The following SAMD12 variants were observed in gnomAD, a reference collection of about 807,000 sequenced individuals.
SAMD12 encodes the protein sterile alpha motif domain containing 12, also known as sterile alpha motif domain-containing protein 12.
In SAMD12, 9 loss-of-function variants were observed where a neutral mutation model predicts 15.0. The observed-to-expected ratio is 0.60, with a 90% confidence interval of 0.36 to 1.05. SAMD12 has a LOEUF of 1.05. SAMD12 is among the 50% of genes least tolerant of loss of function. The pLI is 0.01. For synonymous variants in SAMD12, 86 were observed against 90.1 expected (o/e 0.96, Z 0.25); for missense variants, 230 against 234.2 (o/e 0.98, Z 0.12).
At chr8:118,543,038 G>A (rs1826028421) in intron 2 of SAMD12, among the ~76,000 whole-genome samples, 1 of 152,080 alleles carries the variant, frequency 6.6e-6, no homozygotes. Context: ...TGAAAAAAAG[G>A]AAAAAGATGA....
At chr8:118,340,043 G>T (rs1367772695) in intron 4 of SAMD12, among the ~76,000 whole-genome samples, 1 of 152,190 alleles carries the variant, frequency 6.6e-6, no homozygotes, top group Non-Finnish European at 1.5e-5. Flanking sequence ...ACATTCCTTT[G>T]TTCATTCATT....
intron 2 of SAMD12, among the ~76,000 whole-genome samples, chr8:118,501,322 T>C (rs1481003440): frequency 1.3e-5 from 2 of 152,236 alleles, no homozygotes; most frequent in Admixed American, 6.5e-5. Context: ...TAGATTTTAT[T>C]TGTTCTTACC....
intron 2 of SAMD12, among the ~76,000 whole-genome samples, chr8:118,494,067 T>C (rs1193715907): frequency 6.6e-6 from 1 of 152,116 alleles, no homozygotes; most frequent in Non-Finnish European, 1.5e-5. Context: ...ACTGATTGCC[T>C]GGTAACATGA....
At chr8:118,607,496 A>G (rs1040603525) in intron 1 of SAMD12, among the ~76,000 whole-genome samples, 2 of 152,174 alleles carry the variant, frequency 1.3e-5, no homozygotes, top group Admixed American at 1.3e-4. Context: ...TCAGCCTCCC[A>G]AAGTGCTGGG....
intron 2 of SAMD12, among the ~76,000 whole-genome samples, chr8:118,497,447 T>TAA (rs1285792291): frequency 6.6e-6 from 1 of 152,186 alleles, no homozygotes; most frequent in African/African-American, 2.4e-5. Flanking sequence ...GTCATTAACC[T>TAA]AAGCGAATTA....
intron 4 of SAMD12, among the ~76,000 whole-genome samples, chr8:118,239,019 C>T (rs1463493469): frequency 2.6e-5 from 4 of 151,898 alleles, no homozygotes; most frequent in Admixed American, 2.6e-4. Context: ...ACCAGAAGTA[C>T]CTGAAGTGGA....
chr8:118,330,520 A>G (rs1816762055), intron 4 of SAMD12, among the ~76,000 whole-genome samples: 1 of 152,202 alleles, frequency 6.6e-6, no homozygotes, highest in Non-Finnish European at 1.5e-5. Context: ...AATAAACATA[A>G]CATACAAAAG....
intron 2 of SAMD12, among the ~76,000 whole-genome samples, chr8:118,450,457 C>T (rs563060006): frequency 1.6e-4 from 25 of 152,248 alleles, no homozygotes; most frequent in African/African-American, 4.1e-4. Context: ...GCACACTCTA[C>T]GGGAGGTGCT....
chr8:118,247,766 G>A (rs1354787558), intron 4 of SAMD12, among the ~76,000 whole-genome samples: 8 of 151,892 alleles, frequency 5.3e-5, no homozygotes, highest in Non-Finnish European at 1.2e-4. Context: ...CTAATTTTTT[G>A]TATTTTAGTA....
chr8:118,342,953 G>A (rs1817447830), intron 4 of SAMD12, among the ~76,000 whole-genome samples: 1 of 152,150 alleles, frequency 6.6e-6, no homozygotes, highest in African/African-American at 2.4e-5. Flanking sequence ...GTATATGGTG[G>A]ACCCTATTTC....
intron 4 of SAMD12, among the ~76,000 whole-genome samples, chr8:118,297,719 C>T (rs1474131216): frequency 7.2e-5 from 11 of 152,100 alleles, no homozygotes; most frequent in African/African-American, 2.7e-4. Context: ...AGTTTGTTCA[C>T]ATGGTTATAG....
At chr8:118,484,752 G>A (rs1824229890) in intron 2 of SAMD12, among the ~76,000 whole-genome samples, 1 of 148,366 alleles carries the variant, frequency 6.7e-6, no homozygotes, top group African/African-American at 2.6e-5. Context: ...CAACTCTTGA[G>A]TGCTTTGCTC....
intron 2 of SAMD12, among the ~76,000 whole-genome samples, chr8:118,548,308 A>G (rs1456678129): frequency 2.6e-5 from 4 of 152,106 alleles, no homozygotes; most frequent in Admixed American, 6.6e-5. Context: ...GGTAATAGAT[A>G]TATGATTCCT....
At chr8:118,327,073 AG>A (rs926058058) in intron 4 of SAMD12, among the ~76,000 whole-genome samples, 25 of 152,260 alleles carry the variant, frequency 1.6e-4, no homozygotes, top group African/African-American at 5.5e-4. Context: ...TTGTTCAAAA[AG>A]ATGGACTCAG....
intron 2 of SAMD12, among the ~76,000 whole-genome samples, chr8:118,511,106 T>C (rs1586775450): frequency 2.0e-5 from 3 of 152,268 alleles, no homozygotes; most frequent in South Asian, 4.2e-4. Flanking sequence ...TAGAAGAAAA[T>C]TGAACTGTTT....
At chr8:118,536,606 A>T (rs1383792445) in intron 2 of SAMD12, among the ~76,000 whole-genome samples, 1 of 152,202 alleles carries the variant, frequency 6.6e-6, no homozygotes, top group Non-Finnish European at 1.5e-5. Context: ...TGACAACTTA[A>T]CACTCATTGC....
At chr8:118,496,813 G>T (rs763261163) in intron 2 of SAMD12, among the ~76,000 whole-genome samples, 1 of 151,758 alleles carries the variant, frequency 6.6e-6, no homozygotes, top group Middle Eastern at 3.4e-3. Flanking sequence ...TGCAAACTAC[G>T]CATCTGACAG....
intron 4 of SAMD12, among the ~76,000 whole-genome samples, chr8:118,231,607 A>G (rs1271542132): frequency 1.3e-5 from 2 of 152,194 alleles, no homozygotes; most frequent in African/African-American, 4.8e-5. Context: ...GGAGTATATT[A>G]AGGTGATGTT....
intron 2 of SAMD12, among the ~76,000 whole-genome samples, chr8:118,443,610 C>T (rs1822820525): frequency 6.6e-6 from 1 of 152,072 alleles, no homozygotes; most frequent in Admixed American, 6.5e-5. Context: ...AGTATTGATA[C>T]CATTTATCAG....
Sources: allele counts gnomAD v4.1 joint callset (sites outside exome capture counted in the v4.1 genomes callset), GRCh38; gene constraint gnomAD v4.1.1; transcripts MANE v1.5; gene names NCBI Gene and HGNC (gene_info 2026-07-23, HGNC 2026-07-21).